Variants in BLM observed in about 807,000 individuals in gnomAD.
BLM encodes the protein recQ-like DNA helicase BLM.
In BLM, 95 loss-of-function variants were observed where a neutral mutation model predicts 135.3. The observed-to-expected ratio is 0.70, with a 90% CI of 0.59 to 0.83. BLM has a LOEUF of 0.83. Among genes scored for constraint, BLM ranks in the 40% least tolerant of loss-of-function variants. The probability of loss-of-function intolerance (pLI) is 0.00; values close to 1 mark genes in which losing one functional copy is unlikely to be tolerated. For synonymous variants in BLM, 520 were observed against 589.2 expected (o/e 0.88, Z 1.70); for missense variants, 1,518 against 1,663.9 (o/e 0.91, Z 1.53).
At position 90,774,810 on chromosome 15, in the gene BLM, A is replaced by C. The variant is rs546134043; in HGVS notation, c.2555+5224A>C. Among the ~76,000 whole-genome samples the C allele has an allele frequency of 4.3e-3, 489 of 113,462 alleles. 3 individuals carry two copies. The highest frequency in any genetic ancestry group is 0.027 in the African/African-American group (457 of 16,644). 74.4% of individuals were successfully genotyped at this position (113,462 alleles called of 152,430 possible). On this transcript the variant is annotated intron_variant, in intron 12 of 21. Coordinates refer to ENST00000355112, the MANE Select transcript of BLM (RefSeq NM_000057.4). The stretch of plus-strand genomic sequence containing the variant: ...GATCATGCCACTACACTCCAGCCAA[A>C]AAAAAAAAAAAAAAGTACAGGTCAG...
chr15:90,796,842 G>T (rs546845597), intron 16 of BLM, among the ~76,000 whole-genome samples: 4 of 152,188 alleles, frequency 2.6e-5, no homozygotes, highest in Non-Finnish European at 5.9e-5. Context: ...TGATTATAAT[G>T]ATCGACTGGA....
At chr15:90,751,677 TG>T (rs1489016978) in intron 3 of BLM, 109 bp from the exon 4 acceptor site, 53 of 840,306 alleles carry the variant, frequency 6.3e-5, no homozygotes, top group Non-Finnish European at 4.7e-5. Context: ...TACAAAGTGG[TG>T]TGATTGTTTG....
At chr15:90,721,821 C>CT in intron 1 of BLM, among the ~76,000 whole-genome samples, 1 of 151,440 alleles carries the variant, frequency 6.6e-6, no homozygotes, top group East Asian at 2.0e-4. Flanking sequence ...ATCCCAGCTA[C>CT]TTGGGAGGCT....
At chr15:90,741,589 T>G (rs1323874638) in intron 1 of BLM, among the ~76,000 whole-genome samples, 1 of 152,232 alleles carries the variant, frequency 6.6e-6, no homozygotes, top group Non-Finnish European at 1.5e-5. Context: ...TATCTCTCTG[T>G]GTGTGCATCT....
intron 1 of BLM, among the ~76,000 whole-genome samples, chr15:90,718,566 T>C (rs1894673200): frequency 6.6e-6 from 1 of 152,192 alleles, no homozygotes; most frequent in African/African-American, 2.4e-5. Context: ...GTTTGGGGAA[T>C]AGTAAATAGA....
At chr15:90,732,071 G>T (rs1895083889) in intron 1 of BLM, among the ~76,000 whole-genome samples, 1 of 151,932 alleles carries the variant, frequency 6.6e-6, no homozygotes, top group Non-Finnish European at 1.5e-5. Context: ...CTAATAATTA[G>T]GGTCATCCAT....
chr15:90,779,630 G>A lies in BLM; in HGVS notation c.2556-3192G>A, dbSNP rs139824113. Among the ~76,000 whole-genome samples, 509 of 152,258 alleles carry A rather than the reference G, an allele frequency of 3.3e-3. 6 individuals carry two copies. Among genetic ancestry groups the A allele is most frequent in the African/African-American group, 0.011 (477 of 41,542 alleles). ...GCAAAGAAATGCTGTCATAAGAGTGGTGGTATCAAAGTATTGTTTAACGGT... is the reference window on the plus strand; with the variant it reads ...GCAAAGAAATGCTGTCATAAGAGTGATGGTATCAAAGTATTGTTTAACGGT... On this transcript the variant is annotated intron_variant, in intron 12 of 21. Coordinates refer to ENST00000355112, the MANE Select transcript of BLM (RefSeq NM_000057.4).
intron 1 of BLM, among the ~76,000 whole-genome samples, chr15:90,720,504 T>C (rs568826021): frequency 8.5e-5 from 13 of 152,366 alleles, no homozygotes; most frequent in Admixed American, 5.9e-4. Flanking sequence ...ATTTCAGCTA[T>C]AAAATTAGTT....
chr15:90,745,657 C>A (rs1044507959), intron 1 of BLM, among the ~76,000 whole-genome samples: 10 of 152,176 alleles, frequency 6.6e-5, no homozygotes, highest in African/African-American at 2.4e-4. Context: ...GCGATCCGCT[C>A]ACCTCAGCCT....
At chr15:90,775,322 T>C (rs1041276491) in intron 12 of BLM, among the ~76,000 whole-genome samples, 2 of 152,064 alleles carry the variant, frequency 1.3e-5, no homozygotes, top group Non-Finnish European at 2.9e-5. Context: ...AGATGCATGA[T>C]GCCTGGGATG....
In BLM at chr15:90,790,487, A is replaced by T. The variant is rs79727167; in HGVS notation, c.2824-162A>T. The T allele has an allele frequency of 5.2e-3, 2,504 of 477,776 alleles. 54 individuals carry two copies. The African/African-American group carries it at 0.056, about 11-fold the overall frequency. The allele number at this position is 477,776 out of a possible 1,614,324, so 29.6% of individuals were successfully genotyped here. On this transcript the variant is annotated intron_variant, in intron 14 of 21. Coordinates refer to ENST00000355112, the MANE Select transcript of BLM (RefSeq NM_000057.4). Reference sequence around the variant, plus strand: ...GCAAGTTATCAGTATAAAAACTCATATTAGTTATACTAAATAGTTGGACCA... The same window carrying T: ...GCAAGTTATCAGTATAAAAACTCATTTTAGTTATACTAAATAGTTGGACCA...
chr15:90,775,895 A>G (rs965453482), intron 12 of BLM, among the ~76,000 whole-genome samples: 11 of 152,060 alleles, frequency 7.2e-5, no homozygotes, highest in African/African-American at 2.7e-4. Context: ...GTCTCGTTAT[A>G]TTGTTCGGGT....
intron 12 of BLM, among the ~76,000 whole-genome samples, chr15:90,778,842 A>G (rs996278409): frequency 2.0e-5 from 3 of 151,502 alleles, no homozygotes; most frequent in African/African-American, 7.3e-5. Context: ...GTATATGCCC[A>G]GGAGTGAAAT....
intron 14 of BLM, among the ~76,000 whole-genome samples, chr15:90,785,757 T>C (rs1896730761): frequency 6.6e-6 from 1 of 152,068 alleles, no homozygotes; most frequent in Non-Finnish European, 1.5e-5. Flanking sequence ...GGTCTCGAAC[T>C]CCTGGCCTCA....
At chr15:90,760,095 C>CTTT in intron 5 of BLM, 52 bp from the exon 6 acceptor site, 1 of 1,208,702 alleles carries the variant, frequency 8.3e-7, no homozygotes, top group Non-Finnish European at 1.2e-6. Flanking sequence ...CTAGCCAAGA[C>CTTT]TTTTTTTTTT....
intron 1 of BLM, among the ~76,000 whole-genome samples, chr15:90,721,598 C>T (rs987912712): frequency 1.3e-5 from 2 of 151,898 alleles, no homozygotes; most frequent in Admixed American, 1.3e-4. Flanking sequence ...GCTGGGATTA[C>T]AGGTGTGAGC....
At chr15:90,747,520 T>A (rs8030187) in intron 2 of BLM, 30 bp downstream of exon 2, 2 of 1,396,058 alleles carry the variant, frequency 1.4e-6, no homozygotes, top group Admixed American at 3.6e-5. Context: ...TGCTGTCACA[T>A]AGGCACTAAC....
intron 1 of BLM, among the ~76,000 whole-genome samples, chr15:90,717,691 C>T (rs914516809): frequency 2.6e-5 from 4 of 152,220 alleles, no homozygotes; most frequent in Non-Finnish European, 5.9e-5. Context: ...GGAGGCCGAG[C>T]ATGGGCTAGG....
intron 1 of BLM, among the ~76,000 whole-genome samples, chr15:90,744,340 C>T (rs995389415): frequency 2.6e-5 from 4 of 152,024 alleles, no homozygotes; most frequent in Admixed American, 6.6e-5. Context: ...GAAGAGGGGA[C>T]GCCTCAACAA....
Sources: allele counts gnomAD v4.1 joint callset (sites outside exome capture counted in the v4.1 genomes callset), GRCh38; gene constraint gnomAD v4.1.1; transcripts MANE v1.5; gene names NCBI Gene and HGNC (gene_info 2026-07-23, HGNC 2026-07-21).